Variants in TYR observed in about 807,000 individuals in gnomAD.
The protein encoded by TYR is tyrosinase.
A neutral mutation model predicts 51.5 loss-of-function variants in TYR; 58 were observed. The observed-to-expected ratio is 1.13, with a 90% CI of 0.91 to 1.40. The LOEUF is 1.40. TYR is among the 40% of genes most tolerant of loss of function. TYR has a pLI of 0.00. For synonymous variants in TYR, 263 were observed against 235.2 expected (o/e 1.12, Z -1.08); for missense variants, 732 against 647.4 (o/e 1.13, Z -1.42).
chr11:89,275,826 C>A (rs541240437), intron 3 of TYR, among the ~76,000 whole-genome samples: 6 of 151,922 alleles, frequency 3.9e-5, no homozygotes, highest in East Asian at 2.0e-4. Flanking sequence ...TTTGATTAGA[C>A]AAAACTCGGT....
intron 1 of TYR, among the ~76,000 whole-genome samples, chr11:89,185,112 C>A (rs1943352979): frequency 6.6e-6 from 1 of 152,124 alleles, no homozygotes; most frequent in South Asian, 2.1e-4. Context: ...CTACTGTTCA[C>A]AAAATTATAA....
At chr11:89,192,631 A>G (rs748926812) in intron 2 of TYR, among the ~76,000 whole-genome samples, 18 of 152,104 alleles carry the variant, frequency 1.2e-4, no homozygotes, top group Non-Finnish European at 2.2e-4. Context: ...TCCAGAATCA[A>G]TTGAAGCAAG....
intron 3 of TYR, among the ~76,000 whole-genome samples, chr11:89,241,539 A>G (rs10830243): frequency 0.4 from 60,894 of 151,624 alleles, 12,610 homozygotes; most frequent in African/African-American, 0.5. Flanking sequence ...CAATGAATCT[A>G]TTCACTCATT....
At chr11:89,204,394 T>C (rs1404956321) in intron 2 of TYR, among the ~76,000 whole-genome samples, 2 of 142,410 alleles carry the variant, frequency 1.4e-5, no homozygotes, top group Non-Finnish European at 3.0e-5. Context: ...CAGGAGATTA[T>C]ACATTTTTTT....
At chr11:89,230,609 G>T (rs1368326645) in intron 3 of TYR, among the ~76,000 whole-genome samples, 2 of 151,888 alleles carry the variant, frequency 1.3e-5, no homozygotes, top group Non-Finnish European at 2.9e-5. Flanking sequence ...CACAATAGGA[G>T]AATATATTTG....
intron 3 of TYR, among the ~76,000 whole-genome samples, chr11:89,254,432 C>T (rs1267153026): frequency 6.6e-6 from 1 of 151,726 alleles, no homozygotes; most frequent in Non-Finnish European, 1.5e-5. Context: ...TAGAATTCAG[C>T]TGTGACTGTG....
chr11:89,227,830 T>A lies in TYR; in HGVS notation c.1044T>A (p.Ala348=). ...TTTTTTTTTAATGAACAGGATTTGCTAGTCCACTTACTGGGATAGCGGATG... is the reference window on the plus strand; with the variant it reads ...TTTTTTTTTAATGAACAGGATTTGCAAGTCCACTTACTGGGATAGCGGATG... The part of the protein sequence containing the change: ...FSFRNTLEGF[A]SPLTGIADAS... The change falls in exon 3 of 5, where the codon GCT becomes GCA. Residue 348 remains alanine (A), a synonymous_variant. Coordinates refer to ENST00000263321, the MANE Select transcript of TYR (RefSeq NM_000372.5). 6.2e-7 allele frequency: 1 copy of A among 1,612,938 alleles called. No individual in the cohort carries two copies. Among genetic ancestry groups the A allele is most frequent in the South Asian group, 1.1e-5 (1 of 91,070 alleles).
chr11:89,246,160 A>G (rs1944265532), intron 3 of TYR, among the ~76,000 whole-genome samples: 1 of 112,046 alleles, frequency 8.9e-6, no homozygotes, highest in Non-Finnish European at 1.8e-5. Context: ...GACATCCACC[A>G]CTAAAACTCA....
chr11:89,224,677 C>T (rs1943954693), intron 2 of TYR, among the ~76,000 whole-genome samples: 1 of 152,156 alleles, frequency 6.6e-6, no homozygotes, highest in Non-Finnish European at 1.5e-5. Context: ...TTCAGAAGAG[C>T]CTATCTTCCA....
intron 3 of TYR, among the ~76,000 whole-genome samples, chr11:89,239,047 G>A (rs1340045870): frequency 6.6e-6 from 1 of 152,032 alleles, no homozygotes; most frequent in Non-Finnish European, 1.5e-5. Flanking sequence ...ATTTTGTTTT[G>A]TCATACTCTC....
intron 3 of TYR, among the ~76,000 whole-genome samples, chr11:89,268,923 C>T (rs1944557319): frequency 6.6e-6 from 1 of 151,916 alleles, no homozygotes; most frequent in South Asian, 2.1e-4. Context: ...ATAATTTACT[C>T]ATCCAATTTA....
intron 2 of TYR, among the ~76,000 whole-genome samples, chr11:89,224,068 GA>G (rs898920490): frequency 1.3e-5 from 2 of 152,098 alleles, no homozygotes; most frequent in Non-Finnish European, 2.9e-5. Context: ...GATATAGGAT[GA>G]GAGCAGGCAG....
chr11:89,246,982 G>A (rs1944274756), intron 3 of TYR, among the ~76,000 whole-genome samples: 2 of 152,172 alleles, frequency 1.3e-5, no homozygotes, highest in Non-Finnish European at 2.9e-5. Flanking sequence ...TGGCAGAGGA[G>A]GACCTATCTG....
intron 2 of TYR, among the ~76,000 whole-genome samples, chr11:89,205,132 T>A (rs1412575023): frequency 6.6e-6 from 1 of 151,868 alleles, no homozygotes; most frequent in Non-Finnish European, 1.5e-5. Context: ...AAAGTCTCAA[T>A]ACTAGGTTCA....
chr11:89,229,741 G>A (rs573618908), intron 3 of TYR, among the ~76,000 whole-genome samples: 1 of 151,990 alleles, frequency 6.6e-6, no homozygotes, highest in Non-Finnish European at 1.5e-5. Context: ...TAGTGTTTCT[G>A]TACACTAACA....
chr11:89,209,764 A>G (rs1943726892), intron 2 of TYR, among the ~76,000 whole-genome samples: 1 of 152,124 alleles, frequency 6.6e-6, no homozygotes, highest in African/African-American at 2.4e-5. Context: ...CTTCCAGAGG[A>G]AGGATCGGGC....
chr11:89,280,850 G>A (rs963930211), intron 3 of TYR, among the ~76,000 whole-genome samples: 1 of 151,574 alleles, frequency 6.6e-6, no homozygotes, highest in African/African-American at 2.4e-5. Context: ...TTAAATGTTT[G>A]TCCTAGTTGT....
chr11:89,204,570 A>C (rs935464100), intron 2 of TYR, among the ~76,000 whole-genome samples: 1 of 151,614 alleles, frequency 6.6e-6, no homozygotes, highest in Non-Finnish European at 1.5e-5. Context: ...AATTTTTTTT[A>C]TATTTTTAGT....
At position 89,290,405 on chromosome 11, in the gene TYR, A is replaced by C. The variant is rs1301421464; in HGVS notation, c.1367-4738A>C. 3.9e-5 allele frequency among the ~76,000 whole-genome samples: 6 copies of C among 152,224 alleles called. No homozygotes were observed. The East Asian group carries it at 1.2e-3, about 29-fold the overall frequency. On this transcript the variant is annotated intron_variant, in intron 4 of 4. Transcript: ENST00000263321. Reference sequence around the variant, plus strand: ...GACTGACATAGAAATAGTATTTAAAAGCTGTGAAAGCACTTCAGCCAAGCC... The same window carrying C: ...GACTGACATAGAAATAGTATTTAAACGCTGTGAAAGCACTTCAGCCAAGCC...
Sources: gnomAD v4.1 joint callset for allele counts (sites outside exome capture counted in the v4.1 genomes callset) on GRCh38, gnomAD v4.1.1 for gene constraint, MANE v1.5 for transcripts, NCBI Gene and HGNC (gene_info 2026-07-23, HGNC 2026-07-21) for gene names.